The following HECW1 variants were observed in gnomAD, a reference collection of about 807,000 sequenced individuals.
HECW1 encodes the protein HECT, C2 and WW domain containing E3 ubiquitin protein ligase 1.
In HECW1, 61 loss-of-function variants were observed where a neutral mutation model predicts 182.3. That is an observed-to-expected ratio of 0.33 (90% CI 0.27 to 0.41). The LOEUF (loss-of-function observed/expected upper bound fraction) is 0.41, where lower values mean the gene tolerates loss of function less well. Among genes scored for constraint, HECW1 ranks in the 10% least tolerant of loss-of-function variants. The pLI is 1.00. For synonymous variants in HECW1, 859 were observed against 832.6 expected (o/e 1.03, Z -0.55); for missense variants, 1,739 against 2,108.9 (o/e 0.82, Z 3.44).
chr7:43,240,006 A>C (rs963054431), intron 2 of HECW1: 2 of 152,252 alleles, frequency 1.3e-5, no homozygotes, highest in African/African-American at 4.8e-5. Flanking sequence ...TTTCAAAAGC[A>C]AATGTACTTT....
intron 5 of HECW1, among the ~76,000 whole-genome samples, chr7:43,334,607 G>A (rs534412012): frequency 1.0e-3 from 157 of 152,320 alleles, no homozygotes; most frequent in African/African-American, 3.7e-3. Flanking sequence ...TTACATTGCT[G>A]TTGCCAGCTG....
intron 5 of HECW1, among the ~76,000 whole-genome samples, chr7:43,336,144 TTCTCTC>T (rs768468130): frequency 0.013 from 658 of 51,884 alleles, 2 homozygotes; most frequent in Admixed American, 0.02. Flanking sequence ...CTCTCTCTCT[TTCTCTC>T]TCTCTCTCTC....
chr7:43,364,149 AC>A (rs1357818838), intron 6 of HECW1, among the ~76,000 whole-genome samples: 3 of 152,240 alleles, frequency 2.0e-5, no homozygotes, highest in Middle Eastern at 6.8e-3. Flanking sequence ...AATACGCTAA[AC>A]CTACCATTCT....
intron 3 of HECW1, among the ~76,000 whole-genome samples, chr7:43,307,899 CATATAT>C (rs1311991541): frequency 2.4e-5 from 3 of 124,324 alleles, no homozygotes; most frequent in South Asian, 2.3e-4. Context: ...TATATATACA[CATATAT>C]ATATATATAT....
intron 24 of HECW1, among the ~76,000 whole-genome samples, chr7:43,536,348 C>CAG (rs563333018): frequency 1.0e-3 from 155 of 152,290 alleles, no homozygotes; most frequent in African/African-American, 3.4e-3. Flanking sequence ...AAAACATTGC[C>CAG]AGAGAGAGAG....
At chr7:43,306,395 A>G (rs73092824) in intron 3 of HECW1, among the ~76,000 whole-genome samples, 20,132 of 150,636 alleles carry the variant, frequency 0.13, 1,418 homozygotes, top group Middle Eastern at 0.21. Context: ...TTTTTTTTAA[A>G]TCCCATTACC....
At position 43,492,174 on chromosome 7, in the gene HECW1, C is replaced by T. The variant is rs2078957325; in HGVS notation, c.3334C>T (p.Pro1112Ser). ...IRSQHQHESL[P>S]LAYNDKIVAF... Reference sequence around the variant, plus strand: ...AAGCCAACATCAACATGAGTCATTGCCACTGGGTATGTATCATGCTTGTTT... The same window carrying T: ...AAGCCAACATCAACATGAGTCATTGTCACTGGGTATGTATCATGCTTGTTT... The change falls in exon 18 of 30, where the codon CCA becomes TCA. Residue 1112 changes from proline (P) to serine (S), a missense_variant. By Grantham distance (74) the Pro-to-Ser change is moderately conservative (BLOSUM62 -1). Transcript: ENST00000395891. 3 of 1,597,726 alleles carry T rather than the reference C, an allele frequency of 1.9e-6. No homozygotes were observed. The highest frequency in any genetic ancestry group is 2.6e-6 in the Non-Finnish European group (3 of 1,172,726).
chr7:43,370,691 G>A (rs994461171), intron 6 of HECW1, among the ~76,000 whole-genome samples: 3 of 152,042 alleles, frequency 2.0e-5, no homozygotes, highest in African/African-American at 7.2e-5. Flanking sequence ...GAGCTGCCAA[G>A]CTATAAAAAG....
intron 5 of HECW1, among the ~76,000 whole-genome samples, chr7:43,325,924 C>A (rs1007485106): frequency 1.3e-5 from 2 of 152,212 alleles, no homozygotes; most frequent in East Asian, 3.8e-4. Context: ...ATTTTAAAAT[C>A]CTTTTCCATC....
At chr7:43,387,045 G>A (rs1199014242) in intron 6 of HECW1, among the ~76,000 whole-genome samples, 1 of 152,130 alleles carries the variant, frequency 6.6e-6, no homozygotes, top group African/African-American at 2.4e-5. Context: ...ACATGATCCA[G>A]CCATTTAGAA....
At chr7:43,439,119 T>C (rs2152872976) in intron 9 of HECW1, 1 of 152,338 alleles carries the variant, frequency 6.6e-6, no homozygotes, top group East Asian at 1.9e-4. Context: ...GCACTTGCCA[T>C]TCATGGTTGT....
chr7:43,309,915 A>G (rs1484726365), intron 3 of HECW1, among the ~76,000 whole-genome samples: 4 of 152,144 alleles, frequency 2.6e-5, no homozygotes, highest in African/African-American at 9.7e-5. Context: ...ATTTTTATTT[A>G]TTGAGCAGGT....
rs766004408 is a variant in HECW1 at position 43,565,631 on chromosome 7, G to A, written c.*3705G>A. 4 of 174,934 alleles carry A rather than the reference G, an allele frequency of 2.3e-5. No individual in the cohort carries two copies. Among genetic ancestry groups the A allele is most frequent in the East Asian group, 9.8e-5 (1 of 10,170 alleles). The allele number at this position is 174,934 out of a possible 1,614,324, so 10.8% of individuals were successfully genotyped here. ...TTCAGTGTTCATTATTAAAACTACCGCAATACTATATCATAAAAATCTGGG... is the reference window on the plus strand; with the variant it reads ...TTCAGTGTTCATTATTAAAACTACCACAATACTATATCATAAAAATCTGGG... On this transcript the variant is annotated 3_prime_UTR_variant, in exon 30 of 30. Transcript: ENST00000395891.
chr7:43,306,038 G>A (rs889515360), intron 3 of HECW1, among the ~76,000 whole-genome samples: 4 of 152,094 alleles, frequency 2.6e-5, no homozygotes, highest in East Asian at 1.9e-4. Context: ...AGCATTACAG[G>A]TGTGAGCCAC....
intron 2 of HECW1, among the ~76,000 whole-genome samples, chr7:43,212,721 G>A (rs1796106020): frequency 1.3e-5 from 2 of 152,076 alleles, no homozygotes; most frequent in Admixed American, 1.3e-4. Flanking sequence ...TAATCTTACT[G>A]GAATGTCTAA....
intron 6 of HECW1, among the ~76,000 whole-genome samples, chr7:43,366,721 C>G (rs1017890203): frequency 3.9e-5 from 6 of 152,062 alleles, no homozygotes; most frequent in African/African-American, 1.2e-4. Context: ...GTGAAGGTCC[C>G]CAAAGTTGCC....
intron 2 of HECW1, among the ~76,000 whole-genome samples, chr7:43,189,325 G>A (rs1025249493): frequency 1.3e-5 from 2 of 152,124 alleles, no homozygotes; most frequent in Non-Finnish European, 1.5e-5. Flanking sequence ...GTAGGTGAGG[G>A]TGGGGCCTGA....
intron 2 of HECW1, among the ~76,000 whole-genome samples, chr7:43,130,254 G>A (rs1346396577): frequency 1.3e-5 from 2 of 152,132 alleles, no homozygotes; most frequent in Admixed American, 6.5e-5. Flanking sequence ...TGGGCCTAGA[G>A]TGTTTCAAAT....
At chr7:43,507,394 G>A in intron 22 of HECW1, 137 bp downstream of exon 22, 1 of 760,450 alleles carries the variant, frequency 1.3e-6, no homozygotes, top group Non-Finnish European at 2.0e-6. Context: ...GGGGGAAGAA[G>A]GAAGTTGGGA....
Sources: allele counts gnomAD v4.1 joint callset (sites outside exome capture counted in the v4.1 genomes callset), GRCh38; gene constraint gnomAD v4.1.1; transcripts MANE v1.5; gene names NCBI Gene and HGNC (gene_info 2026-07-23, HGNC 2026-07-21).